Variants in COL26A1 observed in about 807,000 individuals in gnomAD.
COL26A1 encodes the protein collagen type XXVI alpha 1 chain, also known as collagen alpha-1(XXVI) chain.
COL26A1 carries 41 observed loss-of-function variants against 59.3 expected under a neutral mutation model. The ratio of observed to expected loss-of-function variants is 0.69; its 90% CI spans 0.54 to 0.90. COL26A1 has a LOEUF of 0.90. Ranked by LOEUF, COL26A1 falls within the 40% of genes least tolerant of loss-of-function variation. COL26A1 has a pLI of 0.00. For missense variants in COL26A1, 612 were observed against 602.3 expected (o/e 1.02, Z -0.17); for synonymous variants, 266 against 256.0 (o/e 1.04, Z -0.37).
chr7:101,458,450 A>C (rs1793528809), intron 3 of COL26A1, among the ~76,000 whole-genome samples: 1 of 151,420 alleles, frequency 6.6e-6, no homozygotes, highest in East Asian at 1.9e-4. Flanking sequence ...AGCCTGGCCA[A>C]CATGGTGAAA....
At chr7:101,402,927 C>A (rs942018959) in intron 1 of COL26A1, among the ~76,000 whole-genome samples, 2 of 151,788 alleles carry the variant, frequency 1.3e-5, no homozygotes, top group African/African-American at 4.8e-5. Context: ...CTCACTGCAG[C>A]CTTGACCTCC....
At chr7:101,438,899 G>A (rs988458568) in intron 2 of COL26A1, among the ~76,000 whole-genome samples, 1 of 143,706 alleles carries the variant, frequency 7.0e-6, no homozygotes, top group African/African-American at 2.5e-5. Flanking sequence ...TGTCAGGCTG[G>A]TCTCGAACTC....
At chr7:101,411,241 C>T (rs1037665632) in intron 1 of COL26A1, among the ~76,000 whole-genome samples, 11 of 152,136 alleles carry the variant, frequency 7.2e-5, no homozygotes, top group Admixed American at 2.0e-4. Flanking sequence ...GCCCTGTGTC[C>T]GCCGTCTTCA....
intron 12 of COL26A1, among the ~76,000 whole-genome samples, chr7:101,556,893 GTGGATGGA>G (rs145625482): frequency 1.4e-4 from 20 of 146,650 alleles, no homozygotes; most frequent in East Asian, 1.0e-3. Flanking sequence ...GAATGACTGA[GTGGATGGA>G]TGGATGGATG....
intron 3 of COL26A1, among the ~76,000 whole-genome samples, chr7:101,521,806 C>G (rs1442095812): frequency 6.6e-6 from 1 of 152,128 alleles, no homozygotes; most frequent in East Asian, 1.9e-4. Context: ...CGGGTAACCA[C>G]TCACCTGAAT....
At chr7:101,553,744 G>A (rs546429780) in intron 11 of COL26A1, among the ~76,000 whole-genome samples, 66 of 152,312 alleles carry the variant, frequency 4.3e-4, no homozygotes, top group Admixed American at 1.2e-3. Flanking sequence ...CGTGAATGGC[G>A]TCTCGGCATG....
At chr7:101,388,367 G>T (rs114937407) in intron 1 of COL26A1, among the ~76,000 whole-genome samples, 3,619 of 151,556 alleles carry the variant, frequency 0.024, 138 homozygotes, top group African/African-American at 0.081. Context: ...CAGCTATCTG[G>T]GAGGCTGAGG....
chr7:101,401,710 T>A (rs1391811230), intron 1 of COL26A1, among the ~76,000 whole-genome samples: 45 of 67,536 alleles, frequency 6.7e-4, no homozygotes, highest in African/African-American at 1.0e-3. Flanking sequence ...GAGTAGGAGG[T>A]AGAGGAAGAG....
At chr7:101,506,158 T>C (rs1401547260) in intron 3 of COL26A1, among the ~76,000 whole-genome samples, 2 of 152,298 alleles carry the variant, frequency 1.3e-5, no homozygotes, top group African/African-American at 2.4e-5. Flanking sequence ...GGACAAATAT[T>C]TGAGAGTCAC....
intron 1 of COL26A1, among the ~76,000 whole-genome samples, chr7:101,383,231 C>G (rs764398795): frequency 1.3e-5 from 2 of 151,944 alleles, no homozygotes; most frequent in Non-Finnish European, 2.9e-5. Context: ...GAAAGCTGTT[C>G]ATTTGAGGCA....
rs1792402279 is a variant in COL26A1, at chr7:101,417,601, G to GA, written c.159-2376_159-2375insA. On this transcript the variant is annotated intron_variant, in intron 1 of 12. Coordinates refer to ENST00000313669, the MANE Select transcript of COL26A1 (RefSeq NM_001278563.3). ...GTATCTCTACATATCTATAGATACAGGTATATCTATATATCTAGACATAGA... is the reference window on the plus strand; with the variant it reads ...GTATCTCTACATATCTATAGATACAGAGTATATCTATATATCTAGACATAGA... 4.1e-5 allele frequency among the ~76,000 whole-genome samples: 6 copies of GA among 145,422 alleles called. No individual in the cohort carries two copies. The Admixed American group carries it at 4.2e-4, about 10-fold the overall frequency.
At chr7:101,545,119 C>A (rs1196845665) in intron 6 of COL26A1, among the ~76,000 whole-genome samples, 2 of 152,108 alleles carry the variant, frequency 1.3e-5, no homozygotes, top group Non-Finnish European at 2.9e-5. Context: ...TCCCAAGCTG[C>A]CACTAAGTGT....
At chr7:101,473,654 AAAC>A (rs1324743351) in intron 3 of COL26A1, among the ~76,000 whole-genome samples, 47 of 135,560 alleles carry the variant, frequency 3.5e-4, no homozygotes, top group South Asian at 2.1e-3. Context: ...ACACACACAC[AAAC>A]ACACACAACA....
At chr7:101,473,590 C>T (rs1477982821) in intron 3 of COL26A1, among the ~76,000 whole-genome samples, 1 of 149,660 alleles carries the variant, frequency 6.7e-6, no homozygotes, top group Non-Finnish European at 1.5e-5. Context: ...GCCCAGGCAA[C>T]AGAGCAACAC....
rs1448459838 is a variant in COL26A1, at chr7:101,539,899, C to G, written c.454C>G (p.Leu152Val). The G allele has an allele frequency of 6.2e-7, 1 of 1,611,270 alleles. No individual in the cohort carries two copies. Among genetic ancestry groups the G allele is most frequent in the Admixed American group, 1.7e-5 (1 of 59,228 alleles). ...RLTTLEAKVL[L>V]LEAAERPSSP... ...TCTATCTCCTTTGGCCCAGGTCCTC[C>G]TGCTAGAAGCAGCAGAACGGCCCTC... Residue 152 changes from leucine (L) to valine (V), a missense_variant, in exon 5 of 13, where the codon CTG becomes GTG. Physicochemically the swap from Leu to Val is conservative, Grantham distance 32. Transcript: ENST00000313669.
rs371849335 is a variant in COL26A1 at position 101,549,189 on chromosome 7, G to A, written c.959G>A (p.Gly320Asp). 9 of 1,603,936 alleles carry A rather than the reference G, an allele frequency of 5.6e-6. No individual in the cohort carries two copies. Among genetic ancestry groups the A allele is most frequent in the Non-Finnish European group, 7.7e-6 (9 of 1,175,340 alleles). ...PGPPGPPGPR[G>D]PPGPPGTPGS... is the part of the protein sequence containing the mutation. ...CCCACAGGTCCCCCTGGGCCTCGAG[G>A]TCCCCCAGGACCCCCAGGAACACCT... Residue 320 changes from glycine (G) to aspartate (D), a missense_variant, in exon 9 of 13, where the codon GGT becomes GAT. Physicochemically the swap from Gly to Asp is moderately conservative, Grantham distance 94. Transcript: ENST00000313669.
intron 2 of COL26A1, among the ~76,000 whole-genome samples, chr7:101,425,558 G>A (rs1336855534): frequency 1.3e-5 from 2 of 151,950 alleles, no homozygotes; most frequent in African/African-American, 2.4e-5. Flanking sequence ...GTGCAGTGGC[G>A]TGATCTCGGC....
chr7:101,522,235 A>G (rs1795154404), intron 3 of COL26A1, among the ~76,000 whole-genome samples: 3 of 152,098 alleles, frequency 2.0e-5, no homozygotes, highest in African/African-American at 7.2e-5. Flanking sequence ...GCCTTCCTTG[A>G]CCACTCCAAG....
rs563575283 is a variant in COL26A1 at position 101,508,701 on chromosome 7, C to T, written c.386-24381C>T. Among the ~76,000 whole-genome samples the T allele has an allele frequency of 2.1e-3, 319 of 152,130 alleles. 1 individual carries two copies. The highest frequency in any genetic ancestry group is 2.7e-3 in the Non-Finnish European group (184 of 68,014). On this transcript the variant is annotated intron_variant, in intron 3 of 12. Coordinates refer to ENST00000313669, the MANE Select transcript of COL26A1 (RefSeq NM_001278563.3). ...TCTCCCATCACTCACGAAACCTGACCGTAAGGTCTTTCAGCTCAGATGAAG... is the reference window on the plus strand; with the variant it reads ...TCTCCCATCACTCACGAAACCTGACTGTAAGGTCTTTCAGCTCAGATGAAG...
Sources: allele counts gnomAD v4.1 joint callset (sites outside exome capture counted in the v4.1 genomes callset), GRCh38; gene constraint gnomAD v4.1.1; transcripts MANE v1.5; gene names NCBI Gene and HGNC (gene_info 2026-07-23, HGNC 2026-07-21).